Variants in CPA6 observed in about 807,000 individuals in gnomAD.
CPA6 encodes carboxypeptidase B.
In CPA6, 58 loss-of-function variants were observed where a neutral mutation model predicts 63.3. The observed-to-expected ratio is 0.92, with a 90% CI of 0.74 to 1.14. CPA6 has a LOEUF of 1.14. Ranked by LOEUF, CPA6 falls within the 50% of genes most tolerant of loss-of-function variation. The pLI is 0.00. For synonymous variants in CPA6, 185 were observed against 179.0 expected, an observed-to-expected ratio of 1.03 and a Z score of -0.27; for missense variants, 565 against 526.6, an observed-to-expected ratio of 1.07 and a Z score of -0.71.
chr8:67,505,885 A>C (rs936175034), intron 6 of CPA6, among the ~76,000 whole-genome samples: 3 of 152,190 alleles, frequency 2.0e-5, no homozygotes, highest in Admixed American at 2.0e-4. Context: ...ATATACTTAA[A>C]TATCCTTTGT....
At position 67,568,453 on chromosome 8, in the gene CPA6, CA is replaced by C. The variant is rs1813398032; in HGVS notation, c.193-50407del. ...TACACAAACAACACCAGAAATTTGACAAATAAATAGAGACAATACACAAAGA... is the reference window on the plus strand; with the variant it reads ...TACACAAACAACACCAGAAATTTGACAATAAATAGAGACAATACACAAAGA... On this transcript the variant is annotated intron_variant, in intron 2 of 10. Coordinates refer to ENST00000297770, the MANE Select transcript of CPA6 (RefSeq NM_020361.5). 2.0e-5 allele frequency among the ~76,000 whole-genome samples: 3 copies of C among 152,024 alleles called. No individual in the cohort carries two copies. The South Asian group carries it at 6.2e-4, about 32-fold the overall frequency.
At chr8:67,524,267 T>A (rs1265001976) in intron 2 of CPA6, among the ~76,000 whole-genome samples, 1 of 152,196 alleles carries the variant, frequency 6.6e-6, no homozygotes, top group Non-Finnish European at 1.5e-5. Context: ...AACTTTTAAT[T>A]ATGTCTCATT....
intron 8 of CPA6, chr8:67,483,334 G>A (rs1038924044): frequency 1.3e-4 from 24 of 183,794 alleles, no homozygotes; most frequent in Middle Eastern, 4.9e-3. Flanking sequence ...ATCCACGTAT[G>A]ACCAGCAGAG....
chr8:67,497,843 C>A (rs1811752925), intron 6 of CPA6, among the ~76,000 whole-genome samples: 1 of 152,088 alleles, frequency 6.6e-6, no homozygotes, highest in Non-Finnish European at 1.5e-5. Context: ...AGGCATGCAC[C>A]ACCATGGCCA....
intron 6 of CPA6, among the ~76,000 whole-genome samples, chr8:67,498,535 C>CAAAAAAA (rs397940852): frequency 9.0e-5 from 3 of 33,184 alleles, no homozygotes; most frequent in African/African-American, 1.2e-4. Context: ...GACTCCATCT[C>CAAAAAAA]AAAAAAAAAA....
At chr8:67,600,449 G>A (rs1814466022) in intron 2 of CPA6, among the ~76,000 whole-genome samples, 1 of 152,142 alleles carries the variant, frequency 6.6e-6, no homozygotes, top group Non-Finnish European at 1.5e-5. Flanking sequence ...TGTACAATGT[G>A]ATGACTACAG....
chr8:67,643,546 G>GT (rs58403492), intron 1 of CPA6, among the ~76,000 whole-genome samples: 2,749 of 150,360 alleles, frequency 0.018, 83 homozygotes, highest in African/African-American at 0.061. Context: ...ATATATGGTA[G>GT]TTTTTTTTTT....
At chr8:67,511,927 C>T (rs761805005) in intron 3 of CPA6, among the ~76,000 whole-genome samples, 5 of 152,282 alleles carry the variant, frequency 3.3e-5, no homozygotes, top group East Asian at 3.9e-4. Context: ...CTGCAACAAC[C>T]GAATGATGAC....
chr8:67,705,073 C>T (rs903146171), intron 1 of CPA6, among the ~76,000 whole-genome samples: 2 of 152,178 alleles, frequency 1.3e-5, no homozygotes, highest in African/African-American at 2.4e-5. Context: ...CCTCCAGCCC[C>T]TCCAGGTTGC....
chr8:67,702,975 C>T (rs1817057132), intron 1 of CPA6, among the ~76,000 whole-genome samples: 1 of 152,194 alleles, frequency 6.6e-6, no homozygotes, highest in South Asian at 2.1e-4. Flanking sequence ...ACTCCAAAAC[C>T]TGCCTCAGTC....
intron 2 of CPA6, among the ~76,000 whole-genome samples, chr8:67,595,324 G>A (rs965371861): frequency 9.2e-5 from 14 of 152,328 alleles, no homozygotes; most frequent in African/African-American, 3.4e-4. Context: ...CTGCTCGGGG[G>A]TCAGGGGTCA....
chr8:67,576,094 AT>A (rs938758448), intron 2 of CPA6, among the ~76,000 whole-genome samples: 1 of 152,096 alleles, frequency 6.6e-6, no homozygotes, highest in Non-Finnish European at 1.5e-5. Context: ...AATAAGTTGG[AT>A]TTTTTTGAGA....
intron 2 of CPA6, among the ~76,000 whole-genome samples, chr8:67,595,266 C>A (rs182115869): frequency 0.022 from 3,384 of 152,142 alleles, 63 homozygotes; most frequent in African/African-American, 0.05. Flanking sequence ...AGTACCTGGC[C>A]GTGTGAGGTG....
chr8:67,698,212 G>T (rs1176545583), intron 1 of CPA6, among the ~76,000 whole-genome samples: 1 of 152,174 alleles, frequency 6.6e-6, no homozygotes, highest in East Asian at 1.9e-4. Context: ...TGTCTGTCCA[G>T]ATGGGGGTTC....
Position 67,422,687 on chromosome 8 carries a change from C to T in CPA6, c.1131G>A (p.Val377=). 3 of 1,601,576 alleles carry T rather than the reference C, an allele frequency of 1.9e-6. No homozygotes were observed. The highest frequency in any genetic ancestry group is 1.7e-6 in the Non-Finnish European group (2 of 1,174,802). Residue 377 remains valine (V), a synonymous_variant, in exon 11 of 11, where the codon GTG becomes GTA. Transcript: ENST00000297770. The part of the protein sequence containing the change: ...RYGPASTTLY[V]SSGSSMDWAY... The stretch of plus-strand genomic sequence containing the variant: ...CCCAATCCATTGAGCTACCAGAGCT[C>T]ACATCTAAAAGTTAAAACAAAAAAA...
At chr8:67,616,209 G>C (rs1171261651) in intron 2 of CPA6, among the ~76,000 whole-genome samples, 2 of 152,174 alleles carry the variant, frequency 1.3e-5, no homozygotes, top group African/African-American at 4.8e-5. Context: ...TTTATAAAAA[G>C]CTTCCTATGT....
At chr8:67,603,619 T>TCAGTGTTTA (rs1814551581) in intron 2 of CPA6, among the ~76,000 whole-genome samples, 2 of 152,218 alleles carry the variant, frequency 1.3e-5, no homozygotes, top group South Asian at 4.1e-4. Flanking sequence ...AGATCTATAA[T>TCAGTGTTTA]CAGTGTTTAC....
intron 6 of CPA6, among the ~76,000 whole-genome samples, chr8:67,487,087 G>C (rs932582996): frequency 7.2e-5 from 11 of 151,854 alleles, no homozygotes; most frequent in Non-Finnish European, 2.9e-5. Flanking sequence ...TAAATTCTAG[G>C]GTACATGGGC....
intron 8 of CPA6, among the ~76,000 whole-genome samples, chr8:67,448,655 G>GAAAAAAAAAAAAAAAAAAAAAA (rs1810485608): frequency 1.4e-5 from 1 of 73,232 alleles, no homozygotes; most frequent in Non-Finnish European, 2.5e-5. Context: ...AAAAAAAAAA[G>GAAAAAAAAAAAAAAAAAAAAAA]GAAAGAACGA....
Sources: gnomAD v4.1 joint callset for allele counts (sites outside exome capture counted in the v4.1 genomes callset) on GRCh38, gnomAD v4.1.1 for gene constraint, MANE v1.5 for transcripts, NCBI Gene and HGNC (gene_info 2026-07-23, HGNC 2026-07-21) for gene names.